SI: variants seen among roughly 807,000 people sequenced by gnomAD.
SI encodes sucrase-isomaltase, intestinal.
Under a neutral mutation model 253.3 loss-of-function variants are expected in SI, and 235 were observed. The ratio of observed to expected loss-of-function variants is 0.93; its 90% CI spans 0.83 to 1.03. The LOEUF is 1.03. Ranked by LOEUF, SI falls within the 50% of genes least tolerant of loss-of-function variation. The pLI, the probability that SI is intolerant of heterozygous loss-of-function variation, is 0.00. For missense variants in SI, 2,442 were observed against 2,211.1 expected (o/e 1.10, Z -2.09); for synonymous variants, 819 against 712.0 (o/e 1.15, Z -2.39).
Position 165,065,253 on chromosome 3 carries a change from T to C in SI, c.807+8A>G, listed in dbSNP as rs759240554. ...ATTTTATTTATAACAAGAAAAATAA[T>C]TTCTTACATCACCAGGAAGTTGGTC... On this transcript the variant is annotated splice_region_variant and intron_variant, in intron 7 of 47. Coordinates refer to ENST00000264382, the MANE Select transcript of SI (RefSeq NM_001041.4). 4.6e-5 allele frequency: 72 copies of C among 1,568,922 alleles called. No homozygotes were observed. Among genetic ancestry groups the C allele is most frequent in the Admixed American group, 3.5e-4 (21 of 59,434 alleles).
rs112626294 is a variant in SI, at chr3:165,016,296, T to G, written c.3760-216A>C. Among the ~76,000 whole-genome samples the G allele has an allele frequency of 6.3e-4, 96 of 152,136 alleles. 2 individuals are homozygous for G. Among genetic ancestry groups the G allele is most frequent in the African/African-American group, 2.0e-3 (84 of 41,568 alleles). On this transcript the variant is annotated intron_variant, in intron 31 of 47. Coordinates refer to ENST00000264382, the MANE Select transcript of SI (RefSeq NM_001041.4). ...ACAACTTTCTATAAATGTTCTGTTT[T>G]GTCAACAGTTCATTTAGTCATTTTG...
intron 20 of SI, among the ~76,000 whole-genome samples, chr3:165,038,842 T>G (rs73020920): frequency 0.016 from 2,413 of 152,158 alleles, 72 homozygotes; most frequent in African/African-American, 0.056. Flanking sequence ...AAATAATATC[T>G]CTTTATGCTA....
chr3:165,077,724 A>G (rs1027920687), intron 1 of SI, among the ~76,000 whole-genome samples: 1 of 151,692 alleles, frequency 6.6e-6, no homozygotes, highest in African/African-American at 2.4e-5. Context: ...GTGATAACCT[A>G]CTTTGCTACC....
Position 165,017,764 on chromosome 3 carries a change from A to AT in SI, c.3629dup (p.His1210GlnfsTer2), listed in dbSNP as rs754541598. ...TAAAAGAAATATGCAATCATACTTC[A>AT]TGGTATTGCTTTGTTGCAACTTCTG... On this transcript the variant is annotated frameshift_variant, in exon 30 of 48. Transcript: ENST00000264382. LOFTEE classifies it high-confidence loss of function. 4 of 1,609,800 alleles carry AT rather than the reference A, an allele frequency of 2.5e-6. No homozygotes were observed. In the African/African-American group the frequency reaches 5.3e-5, roughly 22 times the overall value.
intron 25 of SI, among the ~76,000 whole-genome samples, chr3:165,025,632 C>G (rs1051962172): frequency 6.6e-6 from 1 of 150,966 alleles, no homozygotes; most frequent in Non-Finnish European, 1.5e-5. Flanking sequence ...AAGAAAACAG[C>G]AGATTTCTCA....
intron 26 of SI, among the ~76,000 whole-genome samples, chr3:165,022,113 ATCT>A (rs1316423358): frequency 2.6e-5 from 4 of 151,566 alleles, no homozygotes; most frequent in Non-Finnish European, 5.9e-5. Context: ...TCTGTTAAAT[ATCT>A]TCTTATGAGA....
chr3:165,014,423 G>C (rs1576885640), intron 33 of SI, among the ~76,000 whole-genome samples: 1 of 152,018 alleles, frequency 6.6e-6, no homozygotes, highest in South Asian at 2.1e-4. Context: ...TAATTTTTTT[G>C]TATTTTTAGT....
chr3:165,003,705 A>G lies in SI; in HGVS notation c.4406+3111T>C, dbSNP rs1056935696. Among the ~76,000 whole-genome samples, 6 of 152,134 alleles carry G rather than the reference A, an allele frequency of 3.9e-5. No homozygotes were observed. The East Asian group carries it at 1.2e-3, about 29-fold the overall frequency. On this transcript the variant is annotated intron_variant, in intron 37 of 47. Transcript: ENST00000264382. ...CTGTCTGCTCATTAGAACTGCCTGG[A>G]AAGTTTTAAATATTCAGATGCTTAG...
rs1471498582 is a variant in SI, at chr3:165,046,918, C to A, written c.1810G>T (p.Asp604Tyr). 1 of 1,613,154 alleles carries A rather than the reference C, an allele frequency of 6.2e-7. No homozygotes were observed. Among genetic ancestry groups the A allele is most frequent in the Non-Finnish European group, 8.5e-7 (1 of 1,179,454 alleles). ...ATTTGTTCCCATGAAGCAGTATTGT[C>A]TCCTAACCAATGCGCAGCATGTCTT... The part of the protein sequence containing the change: ...SGRHAAHWLG[D>Y]NTASWEQMEW... The change falls in exon 16 of 48, where the codon GAC becomes TAC. Residue 604 changes from aspartate (D) to tyrosine (Y), a missense_variant. Asp to Tyr is a radical substitution (Grantham distance 160). Transcript: ENST00000264382.
chr3:165,011,333 C>A (rs537496983), intron 34 of SI, among the ~76,000 whole-genome samples: 1 of 152,160 alleles, frequency 6.6e-6, no homozygotes, highest in African/African-American at 2.4e-5. Context: ...AAGAAATTTT[C>A]TAATTCTCTT....
chr3:165,057,563 TAAAG>T (rs1292743280), intron 12 of SI, among the ~76,000 whole-genome samples: 1 of 151,726 alleles, frequency 6.6e-6, no homozygotes, highest in African/African-American at 2.4e-5. Flanking sequence ...AGGTCAAGGA[TAAAG>T]AAAGAAGGCA....
At chr3:164,981,787 T>G (rs1339868936) in intron 47 of SI, among the ~76,000 whole-genome samples, 2 of 152,174 alleles carry the variant, frequency 1.3e-5, no homozygotes, top group African/African-American at 4.8e-5. Flanking sequence ...GCAGCAATGA[T>G]GCTTTAACGC....
chr3:165,018,047 C>T lies in SI; in HGVS notation c.3443G>A (p.Gly1148Glu), dbSNP rs775625843. 2 of 1,606,068 alleles carry T rather than the reference C, an allele frequency of 1.2e-6. No homozygotes were observed. Among genetic ancestry groups the T allele is most frequent in the Non-Finnish European group, 1.7e-6 (2 of 1,173,100 alleles). Reference protein sequence around the residue: ...QPPGYKLNSYGFHPYYMALEE... With the variant: ...QPPGYKLNSYEFHPYYMALEE... ...CAGAGCCATGTAATAGGGATGAAAT[C>T]CATAGGAATTAAGTTTGTACTGAAA... The change falls in exon 29 of 48, where the codon GGA becomes GAA. Residue 1148 changes from glycine to glutamate, a missense_variant. By Grantham distance (98) the Gly-to-Glu change is moderately conservative. Coordinates refer to ENST00000264382, the MANE Select transcript of SI (RefSeq NM_001041.4).
At chr3:164,993,196 T>C (rs1717853837) in intron 41 of SI, among the ~76,000 whole-genome samples, 1 of 151,730 alleles carries the variant, frequency 6.6e-6, no homozygotes, top group South Asian at 2.1e-4. Context: ...TTCTGACTAG[T>C]GACTCAGCCC....
intron 16 of SI, among the ~76,000 whole-genome samples, chr3:165,043,892 G>C (rs1199385021): frequency 1.3e-5 from 2 of 151,850 alleles, no homozygotes; most frequent in Non-Finnish European, 2.9e-5. Flanking sequence ...TAGTTCTCCA[G>C]TATATGGGAA....
chr3:164,992,935 G>GTTTGT (rs1182610318), intron 41 of SI, among the ~76,000 whole-genome samples: 1 of 149,814 alleles, frequency 6.7e-6, no homozygotes, highest in East Asian at 1.9e-4. Flanking sequence ...TTTTTTTTTT[G>GTTTGT]TTTGTTTTGT....
At chr3:165,081,768 C>A (rs987287429), upstream of SI, among the ~76,000 whole-genome samples, 1 of 151,838 alleles carries the variant, frequency 6.6e-6, no homozygotes, top group Non-Finnish European at 1.5e-5. Flanking sequence ...TGAGTTCTTT[C>A]TCCTAGAAGA....
At chr3:165,009,194 T>C (rs933951039) in intron 35 of SI, 85 bp downstream of exon 35, 1 of 889,636 alleles carries the variant, frequency 1.1e-6, no homozygotes, top group Admixed American at 1.9e-5. Context: ...AATATTTTGT[T>C]GACATTATTT....
At position 164,991,381 on chromosome 3, in the gene SI, G is replaced by T. The variant is rs138524473; in HGVS notation, c.5080C>A (p.Gln1694Lys). 5.2e-5 allele frequency: 84 copies of T among 1,613,606 alleles called. No homozygotes were observed. Among genetic ancestry groups the T allele is most frequent in the Non-Finnish European group, 6.4e-5 (75 of 1,179,792 alleles). Residue 1694 changes from glutamine to lysine, a missense_variant, in exon 44 of 48, where the codon CAA becomes AAA. Transcript: ENST00000264382. ...TAAAATGTGTTTTGAGCTGGCTCTT[G>T]ACATGGTAGGATGTGACCACCACGG... ...HVRGGHILPC[Q>K]EPAQNTFYSR...
Sources: allele counts gnomAD v4.1 joint callset (sites outside exome capture counted in the v4.1 genomes callset), GRCh38; gene constraint gnomAD v4.1.1; transcripts MANE v1.5; gene names NCBI Gene and HGNC (gene_info 2026-07-23, HGNC 2026-07-21).